Variants in CDK14 observed in about 807,000 individuals in gnomAD.
CDK14 encodes the protein cyclin dependent kinase 14.
In CDK14, 34 loss-of-function variants were observed where a neutral mutation model predicts 60.7. That is an observed-to-expected ratio of 0.56 (90% CI 0.43 to 0.75). The LOEUF is 0.75. Among genes scored for constraint, CDK14 ranks in the 30% least tolerant of loss-of-function variants. CDK14 has a pLI of 0.00. For synonymous variants in CDK14, 197 were observed against 203.7 expected (o/e 0.97, Z 0.28); for missense variants, 482 against 564.1 (o/e 0.85, Z 1.47).
intron 5 of CDK14, among the ~76,000 whole-genome samples, chr7:90,827,559 T>C (rs1448438088): frequency 6.6e-6 from 1 of 152,200 alleles, no homozygotes; most frequent in African/African-American, 2.4e-5. Flanking sequence ...TAAGAGGTAG[T>C]GGAAGATAGA....
chr7:90,855,549 A>G (rs1419336286), intron 5 of CDK14, among the ~76,000 whole-genome samples: 1 of 152,218 alleles, frequency 6.6e-6, no homozygotes, highest in African/African-American at 2.4e-5. Context: ...CTCAGCTATA[A>G]CTATAATTTG....
intron 13 of CDK14, among the ~76,000 whole-genome samples, chr7:91,116,211 A>G (rs1016427412): frequency 3.3e-5 from 5 of 152,244 alleles, no homozygotes; most frequent in Non-Finnish European, 4.4e-5. Flanking sequence ...GTCAAAGTAA[A>G]TGAACAAAAT....
intron 2 of CDK14, among the ~76,000 whole-genome samples, chr7:90,606,019 G>C (rs17874803): frequency 1.3e-5 from 2 of 152,096 alleles, no homozygotes; most frequent in Non-Finnish European, 2.9e-5. Context: ...TTGTAATTTG[G>C]GTCAAAATCA....
At chr7:90,616,545 A>C (rs938109313) in intron 2 of CDK14, among the ~76,000 whole-genome samples, 25 of 152,214 alleles carry the variant, frequency 1.6e-4, no homozygotes, top group Non-Finnish European at 2.6e-4. Context: ...TCAGGTGTGC[A>C]AAAGGCTTGG....
intron 2 of CDK14, among the ~76,000 whole-genome samples, chr7:90,635,756 C>G (rs1316007102): frequency 6.6e-6 from 1 of 152,094 alleles, no homozygotes; most frequent in Non-Finnish European, 1.5e-5. Context: ...TTGATTCTTC[C>G]TATCCATGAG....
intron 14 of CDK14, among the ~76,000 whole-genome samples, chr7:91,167,286 A>G (rs1380048197): frequency 1.3e-5 from 2 of 152,324 alleles, no homozygotes; most frequent in South Asian, 2.1e-4. Flanking sequence ...AAATAGTTCT[A>G]ATTTTTTAAA....
intron 3 of CDK14, among the ~76,000 whole-genome samples, chr7:90,740,783 C>A (rs1562747228): frequency 6.6e-6 from 1 of 152,094 alleles, no homozygotes; most frequent in Admixed American, 6.5e-5. Context: ...TTTTCTCATA[C>A]TGAGTGCTAG....
chr7:90,625,034 C>T (rs527268445), intron 2 of CDK14, among the ~76,000 whole-genome samples: 6 of 152,200 alleles, frequency 3.9e-5, no homozygotes, highest in East Asian at 1.9e-4. Context: ...ACACTTAAAA[C>T]GGCGAATGGC....
At chr7:91,068,445 C>T (rs1208938823) in intron 11 of CDK14, among the ~76,000 whole-genome samples, 1 of 152,158 alleles carries the variant, frequency 6.6e-6, no homozygotes. Context: ...AGGAGAACTC[C>T]TCTTTATATA....
chr7:91,023,493 A>T (rs1444737035), intron 10 of CDK14, among the ~76,000 whole-genome samples: 1 of 152,244 alleles, frequency 6.6e-6, no homozygotes, highest in Non-Finnish European at 1.5e-5. Flanking sequence ...TAGATTACTA[A>T]GAATTTTTAA....
chr7:91,056,596 C>G (rs1191698634), intron 11 of CDK14, among the ~76,000 whole-genome samples: 1 of 119,954 alleles, frequency 8.3e-6, no homozygotes, highest in African/African-American at 3.2e-5. Flanking sequence ...GTGTGATGTT[C>G]CCCTTCCTGT....
intron 5 of CDK14, among the ~76,000 whole-genome samples, chr7:90,830,674 T>C (rs770197292): frequency 6.6e-6 from 1 of 152,234 alleles, no homozygotes; most frequent in Non-Finnish European, 1.5e-5. Context: ...ACTTTTATGC[T>C]CTGCCTCCCT....
chr7:91,072,330 C>T (rs771751418), intron 11 of CDK14, among the ~76,000 whole-genome samples: 3 of 152,094 alleles, frequency 2.0e-5, no homozygotes, highest in Non-Finnish European at 4.4e-5. Flanking sequence ...CCATCTTTGC[C>T]GTTCTCCAGC....
intron 14 of CDK14, among the ~76,000 whole-genome samples, chr7:91,175,160 C>T (rs1471875083): frequency 6.6e-6 from 1 of 151,104 alleles, no homozygotes; most frequent in Non-Finnish European, 1.5e-5. Flanking sequence ...ATTCAACATT[C>T]TTAAAGAAAA....
At chr7:91,119,300 G>C (rs1799712225) in intron 14 of CDK14, among the ~76,000 whole-genome samples, 1 of 152,104 alleles carries the variant, frequency 6.6e-6, no homozygotes. Context: ...GGACAACATG[G>C]TGAAAGCGTA....
chr7:91,062,484 T>C (rs1220172124), intron 11 of CDK14, among the ~76,000 whole-genome samples: 3 of 151,858 alleles, frequency 2.0e-5, no homozygotes, highest in Non-Finnish European at 4.4e-5. Flanking sequence ...TTTGTCTTCT[T>C]CGTCGCTCAC....
chr7:90,709,499 T>A (rs765481642), intron 2 of CDK14: 4 of 1,608,382 alleles, frequency 2.5e-6, no homozygotes, highest in Non-Finnish European at 3.4e-6. Context: ...CAAATCAATA[T>A]CTTTCTGAAA....
At chr7:91,133,500 G>C (rs1374401926) in intron 14 of CDK14, among the ~76,000 whole-genome samples, 1 of 152,088 alleles carries the variant, frequency 6.6e-6, no homozygotes, top group Non-Finnish European at 1.5e-5. Flanking sequence ...GTAAATTAAA[G>C]TTTACCAAAG....
chr7:90,963,700 C>CT (rs1794671171), intron 9 of CDK14, among the ~76,000 whole-genome samples: 2 of 121,358 alleles, frequency 1.6e-5, no homozygotes, highest in South Asian at 2.6e-4. Flanking sequence ...TTTCTTTTTT[C>CT]TTTTTCTTTT....
Sources: allele counts gnomAD v4.1 joint callset (sites outside exome capture counted in the v4.1 genomes callset), GRCh38; gene constraint gnomAD v4.1.1; transcripts MANE v1.5; gene names NCBI Gene and HGNC (gene_info 2026-07-23, HGNC 2026-07-21).